The following SCFD2 variants were observed in gnomAD, a reference collection of about 807,000 sequenced individuals.
The protein encoded by SCFD2 is sec1 family domain-containing protein 2.
SCFD2 carries 54 observed loss-of-function variants against 58.9 expected under a neutral mutation model. That is an observed-to-expected ratio of 0.92 (90% CI 0.74 to 1.15). The LOEUF (loss-of-function observed/expected upper bound fraction) is 1.15, where lower values mean the gene tolerates loss of function less well. Ranked by LOEUF, SCFD2 falls within the 50% of genes most tolerant of loss-of-function variation. The probability of loss-of-function intolerance (pLI) is 0.00; values close to 1 mark genes in which losing one functional copy is unlikely to be tolerated. For missense variants in SCFD2, 805 were observed against 836.6 expected, an observed-to-expected ratio of 0.96 and a Z score of 0.47; for synonymous variants, 321 against 335.9, an observed-to-expected ratio of 0.96 and a Z score of 0.49.
chr4:52,911,969 C>T (rs1313457860), intron 6 of SCFD2, among the ~76,000 whole-genome samples: 1 of 152,090 alleles, frequency 6.6e-6, no homozygotes, highest in African/African-American at 2.4e-5. Context: ...ATCACCCTGG[C>T]GATGGCCTCT....
intron 4 of SCFD2, among the ~76,000 whole-genome samples, chr4:53,161,967 A>G (rs1275159982): frequency 6.6e-6 from 1 of 152,168 alleles, no homozygotes; most frequent in African/African-American, 2.4e-5. Context: ...GCCAATAAAA[A>G]TAATAAAAAC....
intron 2 of SCFD2, among the ~76,000 whole-genome samples, chr4:53,340,281 C>A (rs1489436080): frequency 6.6e-6 from 1 of 152,186 alleles, no homozygotes; most frequent in Non-Finnish European, 1.5e-5. Flanking sequence ...ACTTTTCCAA[C>A]GGTTCTAGCA....
chr4:53,291,787 G>A (rs1197545149), intron 3 of SCFD2, among the ~76,000 whole-genome samples: 1 of 151,874 alleles, frequency 6.6e-6, no homozygotes, highest in Non-Finnish European at 1.5e-5. Context: ...CAGACACATA[G>A]ACCAGTAGAA....
chr4:52,904,111 G>A (rs1231961519), intron 7 of SCFD2, among the ~76,000 whole-genome samples: 2 of 152,152 alleles, frequency 1.3e-5, no homozygotes, highest in Non-Finnish European at 2.9e-5. Flanking sequence ...CTCTCAATCT[G>A]CCCTCATCCC....
intron 8 of SCFD2, among the ~76,000 whole-genome samples, chr4:52,880,142 T>TA (rs1718572503): frequency 6.6e-6 from 1 of 152,166 alleles, no homozygotes; most frequent in Non-Finnish European, 1.5e-5. Flanking sequence ...GCTGTGCTTA[T>TA]AAGGCTCTCA....
At chr4:53,176,421 T>G (rs1323227826) in intron 4 of SCFD2, among the ~76,000 whole-genome samples, 1 of 152,148 alleles carries the variant, frequency 6.6e-6, no homozygotes, top group Non-Finnish European at 1.5e-5. Flanking sequence ...CTGAGATACC[T>G]TGGGGAGGAA....
intron 8 of SCFD2, among the ~76,000 whole-genome samples, chr4:52,874,855 A>C (rs1718434909): frequency 6.6e-6 from 1 of 152,142 alleles, no homozygotes; most frequent in Admixed American, 6.6e-5. Context: ...CACAGATACC[A>C]GTGGGGAGGT....
At chr4:53,030,923 C>G (rs971086072) in intron 5 of SCFD2, among the ~76,000 whole-genome samples, 7 of 152,156 alleles carry the variant, frequency 4.6e-5, no homozygotes, top group African/African-American at 1.7e-4. Context: ...ATTGGTACTC[C>G]CACACAGCAG....
At chr4:52,882,418 G>A (rs1718639301) in intron 8 of SCFD2, among the ~76,000 whole-genome samples, 1 of 152,176 alleles carries the variant, frequency 6.6e-6, no homozygotes, top group African/African-American at 2.4e-5. Flanking sequence ...CTCCATGACG[G>A]TTAATTGAGT....
intron 5 of SCFD2, among the ~76,000 whole-genome samples, chr4:52,968,252 A>G (rs1350081509): frequency 1.3e-5 from 2 of 152,262 alleles, no homozygotes; most frequent in Non-Finnish European, 2.9e-5. Context: ...TTGCTCAACT[A>G]CGCAGAGAGC....
chr4:52,970,215 G>A (rs1315733352), intron 5 of SCFD2, among the ~76,000 whole-genome samples: 4 of 152,210 alleles, frequency 2.6e-5, no homozygotes, highest in South Asian at 2.1e-4. Context: ...AAAGCAGGGC[G>A]AGGCATCGCC....
chr4:52,960,055 T>G (rs1309971751), intron 5 of SCFD2, among the ~76,000 whole-genome samples: 2 of 152,224 alleles, frequency 1.3e-5, no homozygotes, highest in Non-Finnish European at 2.9e-5. Context: ...ATTTTTTCTC[T>G]GAATTTATGT....
chr4:53,218,182 G>A (rs1171083276), intron 4 of SCFD2, among the ~76,000 whole-genome samples: 5 of 152,176 alleles, frequency 3.3e-5, no homozygotes, highest in Admixed American at 6.5e-5. Context: ...GAATTGGAAT[G>A]TTGGCCTGCC....
At chr4:53,163,308 T>G (rs1726909694) in intron 4 of SCFD2, among the ~76,000 whole-genome samples, 1 of 152,178 alleles carries the variant, frequency 6.6e-6, no homozygotes, top group African/African-American at 2.4e-5. Flanking sequence ...GGGGTTTCTA[T>G]TTTCCTTTCT....
At chr4:53,074,325 C>A (rs757884859) in intron 5 of SCFD2, among the ~76,000 whole-genome samples, 1 of 152,152 alleles carries the variant, frequency 6.6e-6, no homozygotes. Context: ...GCTGTTTCTA[C>A]CACATCTGCA....
chr4:53,355,435 C>A (rs1289355013), intron 1 of SCFD2, among the ~76,000 whole-genome samples: 1 of 152,164 alleles, frequency 6.6e-6, no homozygotes, highest in East Asian at 1.9e-4. Flanking sequence ...AACTGAGAGG[C>A]AGAAGTTAGG....
chr4:53,149,655 T>C (rs1411974510), intron 4 of SCFD2, among the ~76,000 whole-genome samples: 4 of 152,198 alleles, frequency 2.6e-5, no homozygotes, highest in Non-Finnish European at 4.4e-5. Flanking sequence ...TGAAGGTGTA[T>C]CTTTACCTTA....
At chr4:53,236,391 AGT>A (rs1189746317) in intron 4 of SCFD2, among the ~76,000 whole-genome samples, 1 of 150,728 alleles carries the variant, frequency 6.6e-6, no homozygotes. Flanking sequence ...AGCATATGTA[AGT>A]GTGTGTGTAT....
intron 5 of SCFD2, chr4:52,958,217 T>G (rs547323639): frequency 6.6e-6 from 1 of 152,350 alleles, no homozygotes; most frequent in East Asian, 1.9e-4. Flanking sequence ...AATACACTCA[T>G]GCGTAAACAT....
Sources: gnomAD v4.1 joint callset for allele counts (sites outside exome capture counted in the v4.1 genomes callset) on GRCh38, gnomAD v4.1.1 for gene constraint, MANE v1.5 for transcripts, NCBI Gene and HGNC (gene_info 2026-07-23, HGNC 2026-07-21) for gene names.